Variants in DNAAF9 observed in about 807,000 individuals in gnomAD.
DNAAF9 encodes dynein axonemal assembly factor 9, also known as shulin.
A neutral mutation model predicts 167.0 loss-of-function variants in DNAAF9; 90 were observed. That is an observed-to-expected ratio of 0.54 (90% CI 0.45 to 0.64). The LOEUF is 0.64. DNAAF9 is among the 30% of genes least tolerant of loss of function. The probability of loss-of-function intolerance (pLI) is 0.00; values close to 1 mark genes in which losing one functional copy is unlikely to be tolerated. For synonymous variants in DNAAF9, 491 were observed against 508.8 expected (o/e 0.96, Z 0.47); for missense variants, 1,315 against 1,442.2 (o/e 0.91, Z 1.43).
chr20:3,381,506 G>A lies in DNAAF9; in HGVS notation c.164-8C>T, dbSNP rs1351451103. 1 of 1,612,532 alleles carries A rather than the reference G, an allele frequency of 6.2e-7. No individual in the cohort carries two copies. The highest frequency in any genetic ancestry group is 1.3e-5 in the African/African-American group (1 of 74,912). The stretch of plus-strand genomic sequence containing the variant: ...TGTACCTGCTATCGATTCCTGCAAG[G>A]CAAAGGAGGCTCTGATCAGCTGTAC... On this transcript the variant is annotated splice_region_variant and splice_polypyrimidine_tract_variant and intron_variant, in intron 2 of 36. Transcript: ENST00000252032.
At chr20:3,322,732 C>T (rs1453460348) in intron 14 of DNAAF9, 36 bp from the exon 15 acceptor site, 1 of 1,489,138 alleles carries the variant, frequency 6.7e-7, no homozygotes, top group Non-Finnish European at 9.4e-7. Context: ...AAAAATCAGT[C>T]TGCTCCTGCT....
At chr20:3,387,945 G>T (rs116865783) in intron 1 of DNAAF9, among the ~76,000 whole-genome samples, 1 of 147,254 alleles carries the variant, frequency 6.8e-6, no homozygotes, top group Admixed American at 6.8e-5. Flanking sequence ...ATGTGCCTGC[G>T]GTCCCACCTA....
At chr20:3,268,520 G>T (rs2122794044) in intron 30 of DNAAF9, among the ~76,000 whole-genome samples, 1 of 152,184 alleles carries the variant, frequency 6.6e-6, no homozygotes, top group East Asian at 1.9e-4. Flanking sequence ...GTAGAGACAG[G>T]GTTTCACCAT....
chr20:3,336,258 GTTTTTTT>G (rs367718705), intron 10 of DNAAF9, among the ~76,000 whole-genome samples: 1 of 113,566 alleles, frequency 8.8e-6, no homozygotes, highest in African/African-American at 3.4e-5. Flanking sequence ...TTGCGTTTTT[GTTTTTTT>G]TTTTTTTTTT....
At chr20:3,345,766 A>G (rs1191217293) in intron 8 of DNAAF9, among the ~76,000 whole-genome samples, 2 of 152,156 alleles carry the variant, frequency 1.3e-5, no homozygotes, top group Non-Finnish European at 2.9e-5. Flanking sequence ...AAACAAACCA[A>G]CTGACAAATA....
chr20:3,281,049 G>A lies in DNAAF9; in HGVS notation c.2612+592C>T, dbSNP rs572587073. 9.9e-5 allele frequency among the ~76,000 whole-genome samples: 15 copies of A among 151,950 alleles called. 1 individual carries two copies. In the South Asian group the frequency reaches 2.9e-3, roughly 29 times the overall value. On this transcript the variant is annotated intron_variant, in intron 28 of 36. Coordinates refer to ENST00000252032, the MANE Select transcript of DNAAF9 (RefSeq NM_001009984.3). ...TTAAAAAAATTTTTTTTTTGAGACA[G>A]AGTCTTGCTTGCTCTGTCACCCAGG...
intron 16 of DNAAF9, among the ~76,000 whole-genome samples, chr20:3,320,605 G>C (rs1318189551): frequency 6.6e-6 from 1 of 152,118 alleles, no homozygotes; most frequent in Admixed American, 6.6e-5. Context: ...ATGTTTTAAT[G>C]ATATCACAAA....
intron 7 of DNAAF9, among the ~76,000 whole-genome samples, chr20:3,352,428 C>T (rs545653566): frequency 3.3e-5 from 5 of 152,312 alleles, no homozygotes; most frequent in South Asian, 2.1e-4. Flanking sequence ...ACACTTCTAG[C>T]GCTGCCAACT....
intron 7 of DNAAF9, among the ~76,000 whole-genome samples, chr20:3,353,790 C>G (rs1260752100): frequency 6.6e-6 from 1 of 152,054 alleles, no homozygotes; most frequent in Non-Finnish European, 1.5e-5. Flanking sequence ...GTCACACAGT[C>G]AAGCAATACC....
Position 3,324,890 on chromosome 20 carries a change from A to T in DNAAF9, c.1265+2T>A. 6.5e-7 allele frequency: 1 copy of T among 1,542,720 alleles called. No homozygotes were observed. Among genetic ancestry groups the T allele is most frequent in the Non-Finnish European group, 8.9e-7 (1 of 1,120,774 alleles). ...TTATAAAAAATATCAGCCATTGCTT[A>T]CCGCAGGGCTGCCTTAAACGGAATC... On this transcript the variant is annotated splice_donor_variant, in intron 14 of 36. Coordinates refer to ENST00000252032, the MANE Select transcript of DNAAF9 (RefSeq NM_001009984.3). LOFTEE classifies it high-confidence loss of function.
At chr20:3,369,184 G>C (rs1471962190) in intron 6 of DNAAF9, among the ~76,000 whole-genome samples, 1 of 151,394 alleles carries the variant, frequency 6.6e-6, no homozygotes, top group Non-Finnish European at 1.5e-5. Flanking sequence ...GTCACGGACA[G>C]ATTTAAGGGT....
Position 3,375,037 on chromosome 20 carries a change from G to A in DNAAF9, c.498C>T (p.Ser166=). 6.3e-7 allele frequency: 1 copy of A among 1,576,184 alleles called. No homozygotes were observed. Among genetic ancestry groups the A allele is most frequent in the Non-Finnish European group, 8.7e-7 (1 of 1,145,672 alleles). The change falls in exon 5 of 37, where the codon AGC becomes AGT. Residue 166 remains serine (S), a synonymous_variant. Coordinates refer to ENST00000252032, the MANE Select transcript of DNAAF9 (RefSeq NM_001009984.3). ...TTGCTGTCAGATACTCACCTTGGGA[G>A]CTGTAAGGAATGCCAATTCTACTAC... ...RDCSRIGIPY[S]SQGHLQIFDM...
intron 7 of DNAAF9, among the ~76,000 whole-genome samples, chr20:3,357,211 C>T (rs1197986702): frequency 6.6e-6 from 1 of 152,202 alleles, no homozygotes; most frequent in Non-Finnish European, 1.5e-5. Flanking sequence ...GTGGCTCAGG[C>T]CTGTAATCCC....
intron 26 of DNAAF9, 51 bp downstream of exon 26, chr20:3,290,078 G>T: frequency 8.4e-7 from 1 of 1,190,406 alleles, no homozygotes; most frequent in Non-Finnish European, 1.3e-6. Flanking sequence ...TGCCTAGGCA[G>T]GCCCAAGTTA....
At chr20:3,281,486 A>G (rs751436580) in intron 28 of DNAAF9, among the ~76,000 whole-genome samples, 155 bp downstream of exon 28, 2 of 152,252 alleles carry the variant, frequency 1.3e-5, no homozygotes, top group Non-Finnish European at 2.9e-5. Flanking sequence ...TTCTTTGGCT[A>G]TAAGTCCAAA....
chr20:3,390,027 C>T (rs1004125622), intron 1 of DNAAF9, among the ~76,000 whole-genome samples: 3 of 146,674 alleles, frequency 2.0e-5, no homozygotes, highest in Admixed American at 1.4e-4. Context: ...CAGAGCAAGA[C>T]TCCATCTCAA....
chr20:3,291,991 T>C (rs925714973), intron 25 of DNAAF9, among the ~76,000 whole-genome samples: 1 of 150,472 alleles, frequency 6.6e-6, no homozygotes. Context: ...TTAAGGCCAA[T>C]CCAAGAGCAC....
At chr20:3,286,168 T>C (rs1425359709) in intron 27 of DNAAF9, among the ~76,000 whole-genome samples, 1 of 152,076 alleles carries the variant, frequency 6.6e-6, no homozygotes, top group East Asian at 1.9e-4. Context: ...GAACAGCGTC[T>C]TAGTGAAGAG....
At chr20:3,323,566 C>A (rs1332652037) in intron 14 of DNAAF9, among the ~76,000 whole-genome samples, 1 of 152,102 alleles carries the variant, frequency 6.6e-6, no homozygotes, top group Non-Finnish European at 1.5e-5. Context: ...CAGGCGTGAG[C>A]CACTGCGCCC....
Sources: allele counts gnomAD v4.1 joint callset (sites outside exome capture counted in the v4.1 genomes callset), GRCh38; gene constraint gnomAD v4.1.1; transcripts MANE v1.5; gene names NCBI Gene and HGNC (gene_info 2026-07-23, HGNC 2026-07-21).